Variants in NRP2 observed in about 807,000 individuals in gnomAD.
NRP2 encodes neuropilin-2.
NRP2 carries 52 observed loss-of-function variants against 110.4 expected under a neutral mutation model. That is an observed-to-expected ratio of 0.47 (90% CI 0.38 to 0.59). The LOEUF (loss-of-function observed/expected upper bound fraction) is 0.59, where lower values mean the gene tolerates loss of function less well. NRP2 is among the 20% of genes least tolerant of loss of function. The pLI, the probability that NRP2 is intolerant of heterozygous loss-of-function variation, is 0.00. For missense variants in NRP2, 1,049 were observed against 1,203.0 expected, an observed-to-expected ratio of 0.87 and a Z score of 1.89; for synonymous variants, 508 against 468.9, an observed-to-expected ratio of 1.08 and a Z score of -1.08.
At chr2:205,759,231 C>T (rs1013979620) in intron 12 of NRP2, among the ~76,000 whole-genome samples, 14 of 152,226 alleles carry the variant, frequency 9.2e-5, no homozygotes, top group East Asian at 1.9e-4. Context: ...GCAAAGACTA[C>T]GAGTCTTAAT....
intron 7 of NRP2, among the ~76,000 whole-genome samples, chr2:205,737,124 A>G (rs1204975643): frequency 6.6e-6 from 1 of 152,250 alleles, no homozygotes; most frequent in Non-Finnish European, 1.5e-5. Context: ...ACTCTTTGTT[A>G]TTAATAATTT....
intron 1 of NRP2, among the ~76,000 whole-genome samples, chr2:205,695,701 G>C (rs2056409400): frequency 6.6e-6 from 1 of 152,182 alleles, no homozygotes; most frequent in South Asian, 2.1e-4. Flanking sequence ...CCTTCTGCTA[G>C]TTGAGTAAGA....
rs2057108933 is a variant in NRP2, at chr2:205,725,470, A to C, written c.821-443A>C. On this transcript the variant is annotated intron_variant, in intron 5 of 16. Coordinates refer to ENST00000357785, the MANE Select transcript of NRP2 (RefSeq NM_003872.3). This position sits in a 1 kb window ranked among gnomAD's most constrained non-coding sequence, Gnocchi z 4.1. ...TCTTCTGTGCCAGAACTCACAAGAC[A>C]GTTGAGTGAAAAAAGAAAGAAGCAA... is the stretch of plus-strand genomic sequence containing the variant. Among the ~76,000 whole-genome samples the C allele has an allele frequency of 6.6e-6, 1 of 152,184 alleles. No homozygotes were observed. The highest frequency in any genetic ancestry group is 2.4e-5 in the African/African-American group (1 of 41,428).
intron 2 of NRP2, among the ~76,000 whole-genome samples, chr2:205,704,099 C>G (rs1349176257): frequency 6.6e-6 from 1 of 152,150 alleles, no homozygotes; most frequent in African/African-American, 2.4e-5. Flanking sequence ...CCCACCCCGC[C>G]GCCAGTGGAA....
intron 7 of NRP2, chr2:205,739,926 C>T (rs1174528818): frequency 5.1e-6 from 1 of 196,212 alleles, no homozygotes; most frequent in Non-Finnish European, 1.1e-5. Flanking sequence ...CTGTCTGCAA[C>T]CCTGACCCTG....
At chr2:205,759,053 C>T (rs563892873) in intron 12 of NRP2, among the ~76,000 whole-genome samples, 78 of 152,204 alleles carry the variant, frequency 5.1e-4, no homozygotes, top group Non-Finnish European at 9.4e-4. Flanking sequence ...AGTTGCAGCA[C>T]GTGTTTGATC....
chr2:205,707,754 G>T (rs781371246), intron 2 of NRP2, among the ~76,000 whole-genome samples: 4 of 152,198 alleles, frequency 2.6e-5, no homozygotes, highest in Non-Finnish European at 4.4e-5. Flanking sequence ...GGGAAGTTAT[G>T]ATTTGCCCTC....
At chr2:205,782,539 G>A (rs2058186903) in intron 15 of NRP2, among the ~76,000 whole-genome samples, 1 of 152,174 alleles carries the variant, frequency 6.6e-6, no homozygotes, top group Non-Finnish European at 1.5e-5. Context: ...AGAGGTAACT[G>A]TGAGGGATGG....
chr2:205,795,014 C>A lies in NRP2; in HGVS notation c.2737C>A (p.His913Asn), dbSNP rs1559372993. ...YNFELYDGLKHKVKMNHQKCC... is the reference protein window; with the variant it reads ...YNFELYDGLKNKVKMNHQKCC... Reference sequence around the variant, plus strand: ...CTTCGAGCTCTACGATGGCCTTAAGCACAAGGTCAAGATGAACCACCAAAA... The same window carrying A: ...CTTCGAGCTCTACGATGGCCTTAAGAACAAGGTCAAGATGAACCACCAAAA... The change falls in exon 17 of 17, where the codon CAC (histidine) becomes AAC (asparagine). Residue 913 changes from histidine (H) to asparagine (N), a missense_variant. Transcript: ENST00000357785. 6.2e-7 allele frequency: 1 copy of A among 1,614,188 alleles called. No individual in the cohort carries two copies. The highest frequency in any genetic ancestry group is 8.5e-7 in the Non-Finnish European group (1 of 1,180,044).
chr2:205,770,806 G>C (rs934056326), intron 15 of NRP2, among the ~76,000 whole-genome samples: 1 of 152,298 alleles, frequency 6.6e-6, no homozygotes, highest in African/African-American at 2.4e-5. Flanking sequence ...TTAAGGCTAG[G>C]TGTTGCTGAG....
chr2:205,745,348 C>T (rs547521257), intron 9 of NRP2, among the ~76,000 whole-genome samples: 1 of 152,284 alleles, frequency 6.6e-6, no homozygotes, highest in African/African-American at 2.4e-5. Flanking sequence ...AGAAGTGTTC[C>T]TTTCCCTGTA....
intron 15 of NRP2, among the ~76,000 whole-genome samples, chr2:205,785,871 A>G (rs1488249273): frequency 2.0e-5 from 3 of 152,246 alleles, no homozygotes; most frequent in Admixed American, 1.3e-4. Context: ...TTCAAGATCA[A>G]ACTCTTCCAG....
intron 5 of NRP2, among the ~76,000 whole-genome samples, chr2:205,724,500 C>T (rs778222218): frequency 1.6e-4 from 24 of 152,222 alleles, no homozygotes; most frequent in Middle Eastern, 3.4e-3. Flanking sequence ...CTAGTATGTG[C>T]CAGGCACCAA....
rs1128169 is a variant in NRP2, at chr2:205,749,742, G to C, written c.1804G>C (p.Glu602Gln). Reference sequence around the variant, plus strand: ...TTACACAGACTCCAAGCCCACGGTAGAGACGCTGGGACCCACTGTGAAGAG... The same window carrying C: ...TTACACAGACTCCAAGCCCACGGTACAGACGCTGGGACCCACTGTGAAGAG... ...CDWTDSKPTV[E>Q]TLGPTVKSEE... is the part of the protein sequence containing the mutation. Residue 602 changes from glutamate (E) to glutamine (Q), a missense_variant, in exon 11 of 17, where the codon GAG (glutamate) becomes CAG (glutamine). By Grantham distance (29) the Glu-to-Gln change is conservative (BLOSUM62 2). Transcript: ENST00000357785. The C allele has an allele frequency of 3.7e-6, 6 of 1,614,032 alleles. No homozygotes were observed. Among genetic ancestry groups the C allele is most frequent in the Non-Finnish European group, 3.4e-6 (4 of 1,179,968 alleles).
At chr2:205,787,339 T>C (rs2058246599) in intron 15 of NRP2, among the ~76,000 whole-genome samples, 1 of 152,114 alleles carries the variant, frequency 6.6e-6, no homozygotes, top group African/African-American at 2.4e-5. Flanking sequence ...AAGCCTGTCA[T>C]CAGCTTCAAG....
chr2:205,781,490 G>A (rs948305729), intron 15 of NRP2, among the ~76,000 whole-genome samples: 2 of 152,208 alleles, frequency 1.3e-5, no homozygotes, highest in African/African-American at 4.8e-5. Context: ...AGCTGAGGTG[G>A]CACAGTGTTT....
chr2:205,752,876 G>C lies in NRP2; in HGVS notation c.1945G>C (p.Asp649His). The C allele has an allele frequency of 6.2e-7, 1 of 1,614,184 alleles. No individual in the cohort carries two copies. ...QLPSGFNCNF[D>H]FLEEPCGWMY... is the part of the protein sequence containing the mutation. ...CCCTTCGGGATTCAATTGCAACTTC[G>C]ATTTCCTCGAGGAGCCCTGTGGTTG... The change falls in exon 12 of 17, where the codon GAT becomes CAT. Residue 649 changes from aspartate to histidine, a missense_variant. Asp to His is a moderately conservative substitution (Grantham distance 81). Coordinates refer to ENST00000357785, the MANE Select transcript of NRP2 (RefSeq NM_003872.3).
chr2:205,757,734 A>G (rs1284837729), intron 12 of NRP2, among the ~76,000 whole-genome samples: 1 of 152,196 alleles, frequency 6.6e-6, no homozygotes, highest in African/African-American at 2.4e-5. Context: ...CTGGACCATG[A>G]TAGATAATTA....
intron 2 of NRP2, among the ~76,000 whole-genome samples, chr2:205,701,987 A>C (rs930376389): frequency 2.0e-5 from 3 of 152,246 alleles, no homozygotes; most frequent in Non-Finnish European, 4.4e-5. Context: ...AGGCAGATTA[A>C]GATTTGAATT....
Sources: gnomAD v4.1 joint callset for allele counts (sites outside exome capture counted in the v4.1 genomes callset) on GRCh38, gnomAD v4.1.1 for gene constraint, Gnocchi (gnomAD v3.1) non-coding constraint, MANE v1.5 for transcripts, NCBI Gene and HGNC (gene_info 2026-07-23, HGNC 2026-07-21) for gene names.